The following MYO15B variants were observed in gnomAD, a reference collection of about 807,000 sequenced individuals.
The protein encoded by MYO15B is myosin XVB pseudogene.
In MYO15B, 207 loss-of-function variants were observed where a neutral mutation model predicts 119.3. That is an observed-to-expected ratio of 1.73 (90% CI 1.55 to 1.95). The LOEUF (loss-of-function observed/expected upper bound fraction) is 1.95, where lower values mean the gene tolerates loss of function less well. Ranked by LOEUF, MYO15B falls within the 30% of genes most tolerant of loss-of-function variation. The pLI is 0.00. For missense variants in MYO15B, 2,264 were observed against 1,203.1 expected (o/e 1.88, Z -13.04); for synonymous variants, 966 against 498.9 (o/e 1.94, Z -12.48).
chr17:75,621,679 C>T (rs1250943613), intron 52 of MYO15B, 109 bp downstream of exon 52: 5 of 629,478 alleles, frequency 7.9e-6, no homozygotes, highest in African/African-American at 3.6e-5. Context: ...AGTCTGCCAA[C>T]TCCGGGAAGC....
chr17:75,616,375 A>G (rs1469043725), exon 38 of MYO15B: 29 of 617,764 alleles, frequency 4.7e-5, no homozygotes, highest in Non-Finnish European at 6.0e-5. Context: ...CCCCAGGGGG[A>G]AGCGCAGGAG....
exon 1 of MYO15B, chr17:75,588,379 G>A (rs1254313651): frequency 5.0e-6 from 2 of 398,646 alleles, no homozygotes; most frequent in Non-Finnish European, 8.8e-6. Flanking sequence ...CGGCCGCGGG[G>A]GGCGCCTGGA....
Position 75,601,434 on chromosome 17 carries a change from C to G in MYO15B, c.3526-4C>G. 1 of 702,978 alleles carries G rather than the reference C, an allele frequency of 1.4e-6. No homozygotes were observed. The highest frequency in any genetic ancestry group is 1.7e-5 in the African/African-American group (1 of 57,382). The allele number at this position is 702,978 out of a possible 1,614,324, so 43.5% of individuals were successfully genotyped here. On this transcript the variant is annotated splice_polypyrimidine_tract_variant and splice_region_variant and intron_variant, in intron 14 of 63. Coordinates refer to ENST00000645453, the Ensembl canonical transcript of MYO15B. ...GTGAAGGGAGCTCATGGCTCCTCTC[C>G]TAGGCCACGGACCACACCTTCCTCC...
exon 39 of MYO15B, chr17:75,616,750 C>T (rs1397696013): frequency 5.7e-6 from 4 of 702,908 alleles, no homozygotes; most frequent in Non-Finnish European, 1.0e-5. Flanking sequence ...ACCAGAGCCG[C>T]CCGGGCCCCG....
exon 41 of MYO15B, chr17:75,617,259 C>T (rs1170177611): frequency 2.9e-6 from 2 of 685,058 alleles, no homozygotes; most frequent in East Asian, 2.7e-5. Flanking sequence ...AGCGCCACCA[C>T]TGCCTCTGCC....
At chr17:75,601,365 C>T (rs2147843381) in intron 14 of MYO15B, 73 bp from the exon 15 acceptor site, 1 of 685,514 alleles carries the variant, frequency 1.5e-6, no homozygotes. Context: ...TACTCGTGCT[C>T]ACCGGGAGAG....
chr17:75,625,498 G>A, intron 60 of MYO15B, 29 bp from the exon 61 acceptor site: 1 of 702,878 alleles, frequency 1.4e-6, no homozygotes, highest in Non-Finnish European at 2.6e-6. Flanking sequence ...GTGGTCAGGG[G>A]CCAAACTGAC....
intron 28 of MYO15B, 22 bp from the exon 29 acceptor site, chr17:75,613,683 C>A: frequency 1.4e-6 from 1 of 700,752 alleles, no homozygotes; most frequent in Non-Finnish European, 2.6e-6. Flanking sequence ...CACTCTTGCC[C>A]CCGCCCCCCA....
chr17:75,615,024 C>G, exon 33 of MYO15B: 1 of 702,984 alleles, frequency 1.4e-6, no homozygotes, highest in Non-Finnish European at 2.6e-6. Context: ...TGGGCCCACA[C>G]AGCAGGGCTA....
chr17:75,626,233 G>A lies in MYO15B; in HGVS notation c.9213+5G>A, dbSNP rs1378604914. 1.4e-6 allele frequency: 1 copy of A among 702,842 alleles called. No individual in the cohort carries two copies. The highest frequency in any genetic ancestry group is 2.7e-5 in the East Asian group (1 of 37,306). The allele number at this position is 702,842 out of a possible 1,614,324, so 43.5% of individuals were successfully genotyped here. On this transcript the variant is annotated splice_donor_5th_base_variant and intron_variant, in intron 63 of 63. Transcript: ENST00000645453. ...ATCTGGTTTGAGCTGCCACAGGTGA[G>A]TGGCCAGGCCTCTGGCCACCTTGCG...
At chr17:75,622,190 C>G in intron 53 of MYO15B, 110 bp downstream of exon 53, 1 of 665,054 alleles carries the variant, frequency 1.5e-6, no homozygotes, top group South Asian at 1.6e-5. Flanking sequence ...AAAGTATTTA[C>G]TGAGCACCCA....
chr17:75,606,405 C>T (rs145359894), intron 21 of MYO15B, among the ~76,000 whole-genome samples: 1 of 151,910 alleles, frequency 6.6e-6, no homozygotes, highest in Non-Finnish European at 1.5e-5. Context: ...ACCTCTGCCC[C>T]CTGGGTTCAA....
chr17:75,606,142 C>T, intron 21 of MYO15B, 121 bp downstream of exon 21: 1 of 583,534 alleles, frequency 1.7e-6, no homozygotes. Context: ...TGCCCCAGTG[C>T]CATCTCATCG....
intron 52 of MYO15B, 59 bp from the exon 53 acceptor site, chr17:75,621,945 G>A: frequency 1.4e-6 from 1 of 696,764 alleles, no homozygotes; most frequent in Non-Finnish European, 2.6e-6. Context: ...AACAGCATGA[G>A]CCGGGGCCAG....
At chr17:75,615,971 CAG>C (rs1360920313) in intron 36 of MYO15B, 87 bp downstream of exon 36, 9 of 598,676 alleles carry the variant, frequency 1.5e-5, no homozygotes, top group African/African-American at 5.6e-5. Context: ...TAGGCAGACA[CAG>C]GGAAGAGGCT....
At chr17:75,602,727 C>G (rs1014084741) in intron 16 of MYO15B, 103 bp from the exon 17 acceptor site, 8 of 604,538 alleles carry the variant, frequency 1.3e-5, no homozygotes, top group African/African-American at 1.3e-4. Flanking sequence ...GCTGAGCTTG[C>G]CAGGGTCTGG....
rs138418766 is a variant in MYO15B at position 75,593,017 on chromosome 17, C to G, written c.2991+177C>G. The G allele has an allele frequency of 4.6e-4, 256 of 557,436 alleles. 3 individuals are homozygous for G. The highest frequency in any genetic ancestry group is 4.6e-3 in the African/African-American group (241 of 52,760). The allele number at this position is 557,436 out of a possible 1,614,324, so 34.5% of individuals were successfully genotyped here. ...TGAGACATAGAGCTTCTCCACTCTC[C>G]CAATGTCTGTGCCTCTAAGCTGCCA... On this transcript the variant is annotated intron_variant, in intron 9 of 63. Coordinates refer to ENST00000645453, the Ensembl canonical transcript of MYO15B.
At chr17:75,619,590 A>G (rs2058581065) in intron 45 of MYO15B, 91 bp from the exon 46 acceptor site, 1 of 687,600 alleles carries the variant, frequency 1.5e-6, no homozygotes, top group Non-Finnish European at 2.7e-6. Context: ...GGGGAAGGAC[A>G]AAGCCCAGCC....
intron 9 of MYO15B, among the ~76,000 whole-genome samples, chr17:75,593,924 G>GCAA (rs374683707): frequency 1.6e-5 from 2 of 128,830 alleles, no homozygotes; most frequent in African/African-American, 6.1e-5. Flanking sequence ...AGTCTCAGAA[G>GCAA]AAAAAAAAAA....
Sources: allele counts gnomAD v4.1 joint callset (sites outside exome capture counted in the v4.1 genomes callset), GRCh38; gene constraint gnomAD v4.1.1; transcripts MANE v1.5; gene names NCBI Gene and HGNC (gene_info 2026-07-23, HGNC 2026-07-21).